PCDH9: variants seen among roughly 807,000 people sequenced by gnomAD.
The protein encoded by PCDH9 is protocadherin 9, also known as protocadherin-9.
PCDH9 carries 24 observed loss-of-function variants against 70.6 expected under a neutral mutation model. The ratio of observed to expected loss-of-function variants is 0.34; its 90% CI spans 0.25 to 0.48. The LOEUF is 0.48. PCDH9 is among the 20% of genes least tolerant of loss of function. The pLI, the probability that PCDH9 is intolerant of heterozygous loss-of-function variation, is 0.99. For missense variants in PCDH9, 1,281 were observed against 1,503.6 expected (o/e 0.85, Z 2.45); for synonymous variants, 562 against 558.5 (o/e 1.01, Z -0.09).
intron 3 of PCDH9, among the ~76,000 whole-genome samples, chr13:66,789,857 G>T (rs1439896671): frequency 6.6e-6 from 1 of 152,000 alleles, no homozygotes; most frequent in African/African-American, 2.4e-5. Context: ...TCATTTACTT[G>T]GTGTCTAACA....
chr13:66,999,330 C>T (rs2084189580), intron 2 of PCDH9, among the ~76,000 whole-genome samples: 1 of 151,894 alleles, frequency 6.6e-6, no homozygotes, highest in Non-Finnish European at 1.5e-5. Flanking sequence ...AGGAAGATCC[C>T]TTAAAAAAAG....
At chr13:66,696,688 CACA>C (rs1265034516) in intron 3 of PCDH9, among the ~76,000 whole-genome samples, 10 of 151,714 alleles carry the variant, frequency 6.6e-5, no homozygotes, top group African/African-American at 2.4e-4. Flanking sequence ...TGTTTGTAGT[CACA>C]ACATTTTACC....
At chr13:66,557,187 C>T (rs978037605) in intron 4 of PCDH9, among the ~76,000 whole-genome samples, 2 of 152,144 alleles carry the variant, frequency 1.3e-5, no homozygotes, top group African/African-American at 4.8e-5. Flanking sequence ...GCAGACATGG[C>T]AAATGAATGT....
At chr13:66,980,007 A>C (rs2083706224) in intron 2 of PCDH9, among the ~76,000 whole-genome samples, 1 of 152,038 alleles carries the variant, frequency 6.6e-6, no homozygotes, top group Non-Finnish European at 1.5e-5. Context: ...TCTGTTCTCA[A>C]GGTGATATAT....
At chr13:66,792,542 G>A (rs1156568982) in intron 3 of PCDH9, among the ~76,000 whole-genome samples, 2 of 152,070 alleles carry the variant, frequency 1.3e-5, no homozygotes, top group Admixed American at 1.3e-4. Context: ...GGTGGCGCAT[G>A]CCTGTAATCC....
chr13:66,429,652 T>A (rs1382003591), intron 4 of PCDH9, among the ~76,000 whole-genome samples: 1 of 151,608 alleles, frequency 6.6e-6, no homozygotes, highest in Non-Finnish European at 1.5e-5. Context: ...GGGGAGGACA[T>A]CATTCATAAT....
At chr13:67,025,831 G>A (rs2084769431) in intron 2 of PCDH9, among the ~76,000 whole-genome samples, 1 of 152,006 alleles carries the variant, frequency 6.6e-6, no homozygotes, top group Admixed American at 6.6e-5. Context: ...AAATCTGTTT[G>A]AAAAGTTTCT....
chr13:66,797,630 A>C (rs1015235459), intron 3 of PCDH9, among the ~76,000 whole-genome samples: 23 of 152,200 alleles, frequency 1.5e-4, no homozygotes, highest in Admixed American at 1.2e-3. Flanking sequence ...TACTTTCTTT[A>C]AAATAACTCA....
chr13:66,871,034 T>C (rs2081669208), intron 3 of PCDH9, among the ~76,000 whole-genome samples: 1 of 152,072 alleles, frequency 6.6e-6, no homozygotes, highest in Non-Finnish European at 1.5e-5. Flanking sequence ...GTGGCACATA[T>C]ACACCATGGA....
intron 3 of PCDH9, among the ~76,000 whole-genome samples, chr13:66,772,858 T>C (rs758717071): frequency 1.3e-5 from 2 of 152,130 alleles, no homozygotes; most frequent in Non-Finnish European, 2.9e-5. Flanking sequence ...AAAGTCATTT[T>C]AATTTCTCTA....
intron 3 of PCDH9, among the ~76,000 whole-genome samples, chr13:66,865,065 C>T (rs1450660121): frequency 6.6e-6 from 1 of 152,128 alleles, no homozygotes; most frequent in Non-Finnish European, 1.5e-5. Flanking sequence ...GTGTATATCC[C>T]TAAAACAGAA....
Position 67,133,942 on chromosome 13 carries a change from T to G in PCDH9, c.3036+91463A>C, listed in dbSNP as rs370089343. 3.9e-4 allele frequency among the ~76,000 whole-genome samples: 60 copies of G among 152,230 alleles called. No individual in the cohort carries two copies. The South Asian group carries it at 0.012, about 31-fold the overall frequency. On this transcript the variant is annotated intron_variant, in intron 2 of 4. Coordinates refer to ENST00000377865, the MANE Select transcript of PCDH9 (RefSeq NM_203487.3). ...ATACCTACAGATGTTCATAGTCAAA[T>G]TTCATTAAAAACATAGAACTGAAAG...
At chr13:67,187,248 C>T (rs2088782233) in intron 2 of PCDH9, among the ~76,000 whole-genome samples, 1 of 152,160 alleles carries the variant, frequency 6.6e-6, no homozygotes, top group Admixed American at 6.6e-5. Context: ...CTCTCTGATC[C>T]TCCTAGTAAA....
At chr13:67,167,051 T>C (rs1057237818) in intron 2 of PCDH9, among the ~76,000 whole-genome samples, 1 of 152,194 alleles carries the variant, frequency 6.6e-6, no homozygotes, top group African/African-American at 2.4e-5. Flanking sequence ...AATCATATAT[T>C]TTATAAGAAT....
chr13:66,567,323 C>T (rs1440436089), intron 4 of PCDH9, among the ~76,000 whole-genome samples: 4 of 152,032 alleles, frequency 2.6e-5, no homozygotes, highest in South Asian at 2.1e-4. Flanking sequence ...ATAAAAAACG[C>T]GTGGTATGGG....
chr13:66,617,769 A>G (rs1452834539), intron 4 of PCDH9, among the ~76,000 whole-genome samples: 3 of 152,186 alleles, frequency 2.0e-5, no homozygotes, highest in Non-Finnish European at 2.9e-5. Flanking sequence ...TCAGGCCATC[A>G]AACTCCAAAC....
intron 2 of PCDH9, among the ~76,000 whole-genome samples, chr13:66,988,840 G>C (rs915596982): frequency 6.6e-6 from 1 of 152,072 alleles, no homozygotes; most frequent in East Asian, 1.9e-4. Flanking sequence ...AAGAGGTCTT[G>C]CTACTCTTTA....
chr13:67,193,920 T>A (rs1239365356), intron 2 of PCDH9, among the ~76,000 whole-genome samples: 3 of 152,130 alleles, frequency 2.0e-5, no homozygotes, highest in Non-Finnish European at 4.4e-5. Flanking sequence ...TTAACTTCAG[T>A]GTCACTAATA....
chr13:66,828,416 A>T (rs1415860195), intron 3 of PCDH9, among the ~76,000 whole-genome samples: 5 of 152,180 alleles, frequency 3.3e-5, no homozygotes, highest in African/African-American at 1.2e-4. Context: ...AATAACAAAT[A>T]CTAGATTTAC....
Sources: gnomAD v4.1 joint callset for allele counts (sites outside exome capture counted in the v4.1 genomes callset) on GRCh38, gnomAD v4.1.1 for gene constraint, MANE v1.5 for transcripts, NCBI Gene and HGNC (gene_info 2026-07-23, HGNC 2026-07-21) for gene names.